The following CTNNA3 variants were observed in gnomAD, a reference collection of about 807,000 sequenced individuals.
The protein encoded by CTNNA3 is catenin alpha-3.
In CTNNA3, 76 loss-of-function variants were observed where a neutral mutation model predicts 95.7. The observed-to-expected ratio is 0.79, with a 90% CI of 0.66 to 0.96. The LOEUF (loss-of-function observed/expected upper bound fraction) is 0.96, where lower values mean the gene tolerates loss of function less well. Among genes scored for constraint, CTNNA3 ranks in the 40% least tolerant of loss-of-function variants. The pLI is 0.00. For synonymous variants in CTNNA3, 431 were observed against 374.4 expected, an observed-to-expected ratio of 1.15 and a Z score of -1.74; for missense variants, 1,191 against 1,089.8, an observed-to-expected ratio of 1.09 and a Z score of -1.31.
chr10:66,353,647 C>A (rs2092584177), intron 12 of CTNNA3, among the ~76,000 whole-genome samples: 1 of 151,934 alleles, frequency 6.6e-6, no homozygotes, highest in Non-Finnish European at 1.5e-5. Flanking sequence ...GCCCACTCAG[C>A]CTGCTAGGGG....
At chr10:65,964,697 A>T (rs775477344) in intron 17 of CTNNA3, among the ~76,000 whole-genome samples, 1 of 152,196 alleles carries the variant, frequency 6.6e-6, no homozygotes, top group Non-Finnish European at 1.5e-5. Context: ...TTTAGACCTT[A>T]CAAAGCACGA....
intron 11 of CTNNA3, among the ~76,000 whole-genome samples, chr10:66,443,875 C>T (rs547650440): frequency 9.2e-5 from 14 of 152,160 alleles, no homozygotes; most frequent in South Asian, 2.1e-4. Context: ...CAAACTACTC[C>T]GAGCTACAGG....
At chr10:66,046,674 CA>C (rs1205411107) in intron 15 of CTNNA3, among the ~76,000 whole-genome samples, 5 of 151,360 alleles carry the variant, frequency 3.3e-5, no homozygotes, top group African/African-American at 9.7e-5. Context: ...TCAATGAATA[CA>C]GGAATTGGTT....
chr10:67,199,458 C>G (rs778320776), intron 6 of CTNNA3, among the ~76,000 whole-genome samples: 80 of 152,244 alleles, frequency 5.3e-4, no homozygotes, highest in Middle Eastern at 6.8e-3. Flanking sequence ...CAACCTCCGC[C>G]TCCCGAGTTC....
At chr10:66,856,336 T>C (rs1402173412) in intron 7 of CTNNA3, among the ~76,000 whole-genome samples, 2 of 152,104 alleles carry the variant, frequency 1.3e-5, no homozygotes, top group African/African-American at 4.8e-5. Context: ...GGCGTTTAGG[T>C]TGATTCCACG....
At chr10:66,450,039 TA>T (rs2093452469) in intron 11 of CTNNA3, among the ~76,000 whole-genome samples, 2 of 152,072 alleles carry the variant, frequency 1.3e-5, no homozygotes, top group Admixed American at 6.6e-5. Context: ...TTTCAATAAT[TA>T]TTTTTTTAAC....
intron 11 of CTNNA3, among the ~76,000 whole-genome samples, chr10:66,507,805 T>C (rs910282452): frequency 6.6e-6 from 1 of 152,184 alleles, no homozygotes; most frequent in African/African-American, 2.4e-5. Flanking sequence ...AGTGCTGTAA[T>C]AAACATGGCA....
intron 5 of CTNNA3, among the ~76,000 whole-genome samples, chr10:67,481,750 T>C (rs549823475): frequency 6.6e-6 from 1 of 152,238 alleles, no homozygotes; most frequent in African/African-American, 2.4e-5. Flanking sequence ...CTCTTTAGTT[T>C]ACTTAGATCC....
At chr10:66,674,532 G>A (rs7909253) in intron 9 of CTNNA3, among the ~76,000 whole-genome samples, 83,876 of 151,390 alleles carry the variant, frequency 0.55, 23,935 homozygotes, top group African/African-American at 0.68. Flanking sequence ...TTACCCTATT[G>A]CTCCTTTGCA....
At chr10:65,956,244 T>G (rs568832921) in intron 17 of CTNNA3, among the ~76,000 whole-genome samples, 2 of 152,204 alleles carry the variant, frequency 1.3e-5, no homozygotes, top group Admixed American at 6.5e-5. Context: ...ATCCCCTTTA[T>G]CATTTTTTAT....
At chr10:67,373,908 T>A (rs1843588122) in intron 5 of CTNNA3, among the ~76,000 whole-genome samples, 1 of 152,152 alleles carries the variant, frequency 6.6e-6, no homozygotes, top group Non-Finnish European at 1.5e-5. Context: ...TATCTGTCTC[T>A]CCCCTGAAAA....
intron 11 of CTNNA3, among the ~76,000 whole-genome samples, chr10:66,460,170 T>G (rs909842513): frequency 6.6e-6 from 1 of 152,218 alleles, no homozygotes; most frequent in Non-Finnish European, 1.5e-5. Flanking sequence ...GTTTTAATCA[T>G]GATGGCTTTT....
intron 7 of CTNNA3, chr10:66,837,518 T>G (rs1842924297): frequency 6.6e-6 from 1 of 152,136 alleles, no homozygotes; most frequent in Non-Finnish European, 1.5e-5. Context: ...AATTCCACAC[T>G]TGAGAAGTCT....
At chr10:67,404,405 G>A (rs975049800) in intron 5 of CTNNA3, among the ~76,000 whole-genome samples, 5 of 151,696 alleles carry the variant, frequency 3.3e-5, no homozygotes, top group Admixed American at 1.3e-4. Context: ...AGAACTTCAC[G>A]ATGCAATCAC....
At position 66,812,445 on chromosome 10, in the gene CTNNA3, G is replaced by A. The variant is rs73316585; in HGVS notation, c.1048-36921C>T. On this transcript the variant is annotated intron_variant, in intron 7 of 17. Transcript: ENST00000433211. ...TTCATTAAGCAAGAGAGAGTGAAAG[G>A]CAACATAATACAATGGTTAAATATT... Among the ~76,000 whole-genome samples the A allele has an allele frequency of 5.9e-3, 897 of 152,154 alleles. 8 individuals are homozygous for A. Among genetic ancestry groups the A allele is most frequent in the African/African-American group, 0.02 (839 of 41,546 alleles).
chr10:67,438,525 G>A (rs562578295), intron 5 of CTNNA3, among the ~76,000 whole-genome samples: 3 of 152,182 alleles, frequency 2.0e-5, no homozygotes, highest in Admixed American at 6.5e-5. Flanking sequence ...CCCTAAAGCC[G>A]GAATACCAAA....
At chr10:66,460,461 T>A (rs1200422084) in intron 11 of CTNNA3, among the ~76,000 whole-genome samples, 1 of 152,184 alleles carries the variant, frequency 6.6e-6, no homozygotes, top group African/African-American at 2.4e-5. Flanking sequence ...TTGAGTTATA[T>A]TGGTTTAGAC....
intron 7 of CTNNA3, among the ~76,000 whole-genome samples, chr10:67,126,968 C>T (rs531518163): frequency 3.7e-4 from 57 of 152,288 alleles, no homozygotes; most frequent in African/African-American, 1.3e-3. Flanking sequence ...AGAACCCTCT[C>T]TAACAGAATT....
intron 2 of CTNNA3, among the ~76,000 whole-genome samples, chr10:67,644,793 T>C (rs978508370): frequency 6.8e-6 from 1 of 148,028 alleles, no homozygotes; most frequent in Non-Finnish European, 1.5e-5. Context: ...ACTTGAGTAT[T>C]GCTAAGACCA....
Sources: allele counts gnomAD v4.1 joint callset (sites outside exome capture counted in the v4.1 genomes callset), GRCh38; gene constraint gnomAD v4.1.1; transcripts MANE v1.5; gene names NCBI Gene and HGNC (gene_info 2026-07-23, HGNC 2026-07-21).